The following DOCK3 variants were observed in gnomAD, a reference collection of about 807,000 sequenced individuals.
The protein encoded by DOCK3 is dedicator of cytokinesis 3.
DOCK3 carries 60 observed loss-of-function variants against 265.6 expected under a neutral mutation model. The ratio of observed to expected loss-of-function variants is 0.23; its 90% CI spans 0.18 to 0.28. DOCK3 has a LOEUF of 0.28. Among genes scored for constraint, DOCK3 ranks in the 10% least tolerant of loss-of-function variants. DOCK3 has a pLI of 1.00. For synonymous variants in DOCK3, 881 were observed against 938.0 expected, an observed-to-expected ratio of 0.94 and a Z score of 1.11; for missense variants, 1,981 against 2,594.3, an observed-to-expected ratio of 0.76 and a Z score of 5.14.
chr3:50,936,079 A>G (rs1575570069), intron 5 of DOCK3, among the ~76,000 whole-genome samples: 2 of 152,338 alleles, frequency 1.3e-5, no homozygotes, highest in African/African-American at 2.4e-5. Context: ...AAACAAAAAC[A>G]TAGACGACCT....
chr3:51,131,532 T>G (rs1387352582), intron 9 of DOCK3, among the ~76,000 whole-genome samples: 1 of 152,204 alleles, frequency 6.6e-6, no homozygotes, highest in Non-Finnish European at 1.5e-5. Flanking sequence ...GTCTGGAAAT[T>G]GATTCGGGGC....
Position 51,361,721 on chromosome 3 carries a change from G to C in DOCK3, c.5007-138G>C, listed in dbSNP as rs573232791. The C allele has an allele frequency of 1.7e-6, 2 of 1,177,646 alleles. No individual in the cohort carries two copies. Among genetic ancestry groups the C allele is most frequent in the African/African-American group, 1.5e-5 (1 of 64,986 alleles). 72.9% of individuals were successfully genotyped at this position (1,177,646 alleles called of 1,614,324 possible). On this transcript the variant is annotated intron_variant, in intron 47 of 52. Transcript: ENST00000266037. The surrounding 1 kb of genome is among the most constrained non-coding windows in gnomAD (Gnocchi z 4.2). The stretch of plus-strand genomic sequence containing the variant: ...CAGGACTGCTCCAGGCCTCAGATGG[G>C]TATGAGCATTGACTATGGAACCCTC...
intron 38 of DOCK3, 98 bp from the exon 39 acceptor site, chr3:51,348,754 C>CG (rs1421820804): frequency 8.1e-7 from 1 of 1,227,098 alleles, no homozygotes; most frequent in Non-Finnish European, 1.2e-6. Context: ...TTGGAGCTGG[C>CG]GGGAGACCTT....
intron 26 of DOCK3, 129 bp from the exon 27 acceptor site, chr3:51,279,977 T>A: frequency 1.4e-6 from 1 of 712,028 alleles, no homozygotes; most frequent in South Asian, 1.9e-5. Flanking sequence ...GAGGGCTAGA[T>A]TTGTCATCTT....
At chr3:50,896,627 G>A (rs995633815) in intron 4 of DOCK3, among the ~76,000 whole-genome samples, 4 of 151,770 alleles carry the variant, frequency 2.6e-5, no homozygotes, top group Non-Finnish European at 4.4e-5. Context: ...TAGGTCTTAC[G>A]TTTAAGTCTT....
At chr3:51,279,002 A>C (rs934489078) in intron 26 of DOCK3, among the ~76,000 whole-genome samples, 4 of 151,986 alleles carry the variant, frequency 2.6e-5, no homozygotes, top group African/African-American at 9.7e-5. Context: ...TAATCCCAAC[A>C]CTTTGGGAGG....
At position 51,016,942 on chromosome 3, in the gene DOCK3, T is replaced by G. The variant is rs1311696342; in HGVS notation, c.316-47506T>G. Among the ~76,000 whole-genome samples, 3 of 58,606 alleles carry G rather than the reference T, an allele frequency of 5.1e-5. 1 individual carries two copies. The Admixed American group carries it at 8.2e-4, about 16-fold the overall frequency. 38.4% of individuals were successfully genotyped at this position (58,606 alleles called of 152,430 possible). On this transcript the variant is annotated intron_variant, in intron 5 of 52. Transcript: ENST00000266037. The stretch of plus-strand genomic sequence containing the variant: ...AATATATTAATATATACAATATATG[T>G]TATATATAATATATATATTATATAT...
intron 4 of DOCK3, among the ~76,000 whole-genome samples, chr3:50,929,568 C>T (rs2050948299): frequency 6.6e-6 from 1 of 152,188 alleles, no homozygotes; most frequent in South Asian, 2.1e-4. Context: ...TTCCTAGTCA[C>T]CAGTGCTGGC....
At chr3:50,703,539 T>A (rs2036189463) in intron 1 of DOCK3, among the ~76,000 whole-genome samples, 1 of 152,064 alleles carries the variant, frequency 6.6e-6, no homozygotes, top group Admixed American at 6.5e-5. Context: ...TTTTGTTTTT[T>A]TCTTGGTTCA....
chr3:50,924,246 T>G (rs1307631821), intron 4 of DOCK3, among the ~76,000 whole-genome samples: 1 of 152,214 alleles, frequency 6.6e-6, no homozygotes, highest in Admixed American at 6.5e-5. Flanking sequence ...TCTGGACCCA[T>G]GTATTGTGGT....
chr3:50,735,551 T>C (rs1440654625), intron 1 of DOCK3, among the ~76,000 whole-genome samples: 1 of 152,130 alleles, frequency 6.6e-6, no homozygotes, highest in Non-Finnish European at 1.5e-5. Context: ...TTGGCCAGGC[T>C]GGTCTTGAAC....
At chr3:51,153,247 G>T (rs115203818) in intron 10 of DOCK3, among the ~76,000 whole-genome samples, 2 of 152,298 alleles carry the variant, frequency 1.3e-5, no homozygotes, top group East Asian at 1.9e-4. Context: ...CTCGCAGGTC[G>T]ATCTTAGACT....
chr3:51,156,222 T>C (rs908146083), intron 10 of DOCK3, among the ~76,000 whole-genome samples: 1 of 152,218 alleles, frequency 6.6e-6, no homozygotes, highest in Non-Finnish European at 1.5e-5. Context: ...ACAGGGAAGT[T>C]AATTAACTTT....
rs1185815330 is a variant in DOCK3, at chr3:50,675,098, G to T, written c.-166G>T. 1 of 294,714 alleles carries T rather than the reference G, an allele frequency of 3.4e-6. No homozygotes were observed. Among genetic ancestry groups the T allele is most frequent in the Non-Finnish European group, 5.1e-6 (1 of 197,654 alleles). 18.3% of individuals were successfully genotyped at this position (294,714 alleles called of 1,614,324 possible). Reference sequence around the variant, plus strand: ...AGCCTCGCGGTCCAGACGTGGCGGGGGTGGCGGCGGCATCCCGGACGGCCT... The same window carrying T: ...AGCCTCGCGGTCCAGACGTGGCGGGTGTGGCGGCGGCATCCCGGACGGCCT... On this transcript the variant is annotated 5_prime_UTR_variant, in exon 1 of 53. Transcript: ENST00000266037. The surrounding 1 kb of genome is among the most constrained non-coding windows in gnomAD (Gnocchi z 6.1).
chr3:50,985,458 T>TTTATTTAA (rs2077863361), intron 5 of DOCK3, among the ~76,000 whole-genome samples: 1 of 152,218 alleles, frequency 6.6e-6, no homozygotes, highest in African/African-American at 2.4e-5. Context: ...TTTTTATTGT[T>TTTATTTAA]TCTATTTAAT....
Position 51,380,134 on chromosome 3 carries a change from C to T in DOCK3, c.5510C>T (p.Ser1837Phe). 1 of 1,613,598 alleles carries T rather than the reference C, an allele frequency of 6.2e-7. No individual in the cohort carries two copies. Among genetic ancestry groups the T allele is most frequent in the African/African-American group, 1.3e-5 (1 of 75,052 alleles). The change falls in exon 52 of 53, where the codon TCC (serine) becomes TTC (phenylalanine). Residue 1837 changes from serine (S) to phenylalanine (F), a missense_variant. This residue lies in a region of DOCK3 where 1,357 missense variants were observed against 1,866.8 expected (regional missense o/e 0.73). Transcript: ENST00000266037. ...TCTGTTCCCTTTGCAGGTCATTACT[C>T]CCTACACTTTGACGCCTTCCACCAC... ...NLSVAEKGHY[S>F]LHFDAFHHPL... is the part of the protein sequence containing the mutation.
At chr3:51,019,801 T>A (rs965013167) in intron 5 of DOCK3, among the ~76,000 whole-genome samples, 10 of 151,978 alleles carry the variant, frequency 6.6e-5, no homozygotes, top group Admixed American at 6.6e-4. Context: ...GCAGAAAACA[T>A]GATCTCGTTT....
intron 1 of DOCK3, among the ~76,000 whole-genome samples, chr3:50,701,154 A>C (rs1273811651): frequency 7.2e-6 from 1 of 139,474 alleles, no homozygotes; most frequent in African/African-American, 2.7e-5. Flanking sequence ...TTTTTAAGAC[A>C]GGTTCTCACT....
intron 1 of DOCK3, among the ~76,000 whole-genome samples, chr3:50,769,126 C>T (rs2041108695): frequency 6.6e-6 from 1 of 150,754 alleles, no homozygotes; most frequent in Non-Finnish European, 1.5e-5. Flanking sequence ...TGGATATTAA[C>T]ATCCCTTGTC....
Sources: allele counts gnomAD v4.1 joint callset (sites outside exome capture counted in the v4.1 genomes callset), GRCh38; gene constraint gnomAD v4.1.1; regional missense constraint gnomAD v4.1.1; non-coding constraint Gnocchi (gnomAD v3.1); transcripts MANE v1.5; gene names NCBI Gene and HGNC (gene_info 2026-07-23, HGNC 2026-07-21).